Variants in MEGF10 observed in about 807,000 individuals in gnomAD.
The protein encoded by MEGF10 is multiple epidermal growth factor-like domains protein 10.
In MEGF10, 86 loss-of-function variants were observed where a neutral mutation model predicts 147.5. That is an observed-to-expected ratio of 0.58 (90% CI 0.49 to 0.70). The LOEUF is 0.70. Among genes scored for constraint, MEGF10 ranks in the 30% least tolerant of loss-of-function variants. The probability of loss-of-function intolerance (pLI) is 0.00; values close to 1 mark genes in which losing one functional copy is unlikely to be tolerated. For missense variants in MEGF10, 1,329 were observed against 1,487.3 expected, an observed-to-expected ratio of 0.89 and a Z score of 1.75; for synonymous variants, 478 against 525.5, an observed-to-expected ratio of 0.91 and a Z score of 1.24.
intron 4 of MEGF10, among the ~76,000 whole-genome samples, chr5:127,367,081 C>G (rs1184645990): frequency 6.6e-6 from 1 of 152,078 alleles, no homozygotes. Flanking sequence ...AGGTGGAACT[C>G]AATTGGTGTC....
At chr5:127,294,523 G>T (rs954189069) in intron 1 of MEGF10, among the ~76,000 whole-genome samples, 3 of 152,170 alleles carry the variant, frequency 2.0e-5, no homozygotes, top group African/African-American at 7.2e-5. Flanking sequence ...GTGGGGCTGG[G>T]CATGGTGCCT....
At chr5:127,231,389 A>G in the MEGF10 span, among the ~76,000 whole-genome samples, 2 of 152,128 alleles carry the variant, frequency 1.3e-5, no homozygotes, top group Non-Finnish European at 2.9e-5. Flanking sequence ...TGTCTTGGGC[A>G]TATTAGGGAT....
the MEGF10 span, among the ~76,000 whole-genome samples, chr5:127,270,021 C>G: frequency 2.6e-5 from 4 of 152,144 alleles, no homozygotes; most frequent in African/African-American, 9.7e-5. Context: ...CCTTTACAGA[C>G]AAGCAAATGC....
intron 1 of MEGF10, among the ~76,000 whole-genome samples, chr5:127,304,221 T>C (rs1332358113): frequency 6.6e-6 from 1 of 152,288 alleles, no homozygotes; most frequent in East Asian, 1.9e-4. Flanking sequence ...TCTGGTCTTG[T>C]TTTGGGCAGA....
At chr5:127,385,652 G>A (rs1291105971) in intron 5 of MEGF10, among the ~76,000 whole-genome samples, 2 of 152,170 alleles carry the variant, frequency 1.3e-5, no homozygotes, top group Admixed American at 6.5e-5. Flanking sequence ...TGTATTATAA[G>A]CGGACATCTC....
the MEGF10 span, among the ~76,000 whole-genome samples, chr5:127,270,450 A>G: frequency 2.0e-5 from 3 of 152,234 alleles, no homozygotes; most frequent in African/African-American, 4.8e-5. Flanking sequence ...CTGATAAAAC[A>G]GACTTTAAAC....
chr5:127,237,065 T>G, the MEGF10 span, among the ~76,000 whole-genome samples: 1 of 152,230 alleles, frequency 6.6e-6, no homozygotes. Flanking sequence ...TGTCTGCGTT[T>G]TCCTTGAATT....
At chr5:127,403,699 T>C (rs1262413521) in intron 8 of MEGF10, among the ~76,000 whole-genome samples, 1 of 152,058 alleles carries the variant, frequency 6.6e-6, no homozygotes, top group East Asian at 1.9e-4. Flanking sequence ...GTGATGTTTG[T>C]CTTTCTGTGC....
intron 9 of MEGF10, among the ~76,000 whole-genome samples, chr5:127,411,081 G>A (rs569886139): frequency 3.7e-4 from 56 of 152,316 alleles, no homozygotes; most frequent in Non-Finnish European, 4.4e-5. Flanking sequence ...TTTTGTGAAA[G>A]TGTTTCACAT....
intron 13 of MEGF10, chr5:127,424,679 C>A: frequency 5.0e-6 from 3 of 602,934 alleles, no homozygotes; most frequent in Non-Finnish European, 6.5e-6. Context: ...TTATTTTCTA[C>A]CAATAGGAGC....
At chr5:127,456,087 A>G (rs1940757188) in intron 24 of MEGF10, among the ~76,000 whole-genome samples, 1 of 152,144 alleles carries the variant, frequency 6.6e-6, no homozygotes, top group Admixed American at 6.5e-5. Flanking sequence ...TTGTTTTGTA[A>G]CCATAGTGAA....
chr5:127,410,758 T>C (rs1764527848), intron 9 of MEGF10, among the ~76,000 whole-genome samples, 157 bp downstream of exon 9: 1 of 152,246 alleles, frequency 6.6e-6, no homozygotes, highest in Admixed American at 6.5e-5. Flanking sequence ...AAGGAAGACA[T>C]TTTAACTTAA....
At chr5:127,437,672 G>T (rs1461043254) in intron 16 of MEGF10, among the ~76,000 whole-genome samples, 3 of 152,098 alleles carry the variant, frequency 2.0e-5, no homozygotes, top group Non-Finnish European at 4.4e-5. Context: ...TCTTCAATCG[G>T]CAGTGACCCC....
chr5:127,343,119 T>G (rs1182993089), intron 4 of MEGF10, among the ~76,000 whole-genome samples: 2 of 152,184 alleles, frequency 1.3e-5, no homozygotes, highest in Non-Finnish European at 2.9e-5. Context: ...GTTTGTGTTT[T>G]CATAGTCTCT....
intron 18 of MEGF10, among the ~76,000 whole-genome samples, chr5:127,441,670 G>A (rs59745564): frequency 0.74 from 112,488 of 152,108 alleles, 42,198 homozygotes; most frequent in Middle Eastern, 0.86. Context: ...CCTTTTGGGC[G>A]GGAAAAGGTG....
Position 127,398,760 on chromosome 5 carries a change from C to T in MEGF10, c.744C>T (p.His248=), listed in dbSNP as rs190469012. 1.3e-5 allele frequency: 21 copies of T among 1,613,938 alleles called. No individual in the cohort carries two copies. Among genetic ancestry groups the T allele is most frequent in the South Asian group, 6.6e-5 (6 of 91,062 alleles). ...GTCAAAATGGAGGAGTGTGTCATCA[C>T]GTCACTGGAGAATGCTCTTGCCCTT... ...CPCQNGGVCH[H]VTGECSCPSG... Residue 248 remains histidine, a synonymous_variant, in exon 7 of 25, where the codon CAC becomes CAT. Coordinates refer to ENST00000503335, the MANE Select transcript of MEGF10 (RefSeq NM_001256545.2).
chr5:127,242,467 T>C, the MEGF10 span, among the ~76,000 whole-genome samples: 16 of 152,356 alleles, frequency 1.1e-4, no homozygotes, highest in East Asian at 3.1e-3. Context: ...GTATAAATTG[T>C]AATGTAGGTA....
At chr5:127,410,629 G>A (rs777379750) in intron 9 of MEGF10, 28 bp downstream of exon 9, 19 of 1,552,922 alleles carry the variant, frequency 1.2e-5, no homozygotes, top group Admixed American at 1.8e-5. Context: ...CTGGAAGGAC[G>A]TGTCCTGTGA....
intron 4 of MEGF10, among the ~76,000 whole-genome samples, chr5:127,350,142 T>C (rs894089175): frequency 6.6e-6 from 1 of 152,156 alleles, no homozygotes; most frequent in African/African-American, 2.4e-5. Flanking sequence ...TCTCTTCCAC[T>C]TTGCCTTTGG....
Sources: gnomAD v4.1 joint callset for allele counts (sites outside exome capture counted in the v4.1 genomes callset) on GRCh38, gnomAD v4.1.1 for gene constraint, MANE v1.5 for transcripts, NCBI Gene and HGNC (gene_info 2026-07-23, HGNC 2026-07-21) for gene names.